The following VAC14 variants were observed in gnomAD, a reference collection of about 807,000 sequenced individuals.
VAC14 encodes the protein VAC14 component of PIKFYVE complex, also known as protein VAC14 homolog.
A neutral mutation model predicts 85.3 loss-of-function variants in VAC14; 47 were observed. That is an observed-to-expected ratio of 0.55 (90% CI 0.44 to 0.70). The LOEUF (loss-of-function observed/expected upper bound fraction) is 0.70. VAC14 is among the 30% of genes least tolerant of loss of function. The pLI, the probability that VAC14 is intolerant of heterozygous loss-of-function variation, is 0.00. For missense variants in VAC14, 861 were observed against 1,004.3 expected, an observed-to-expected ratio of 0.86 and a Z score of 1.93; for synonymous variants, 447 against 430.5, an observed-to-expected ratio of 1.04 and a Z score of -0.47.
chr16:70,748,444 A>G (rs1453475778), intron 12 of VAC14, among the ~76,000 whole-genome samples: 1 of 152,216 alleles, frequency 6.6e-6, no homozygotes, highest in African/African-American at 2.4e-5. Context: ...GAAGTAGTTG[A>G]GCATGAGTTG....
In VAC14 at chr16:70,762,124, T is replaced by C. The variant is rs2032442977; in HGVS notation, c.1371+416A>G. 6.8e-6 allele frequency among the ~76,000 whole-genome samples: 1 copy of C among 146,970 alleles called. No homozygotes were observed. Among genetic ancestry groups the C allele is most frequent in the Admixed American group, 6.7e-5 (1 of 14,930 alleles). The stretch of plus-strand genomic sequence containing the variant: ...AGTTTTTTTTTTTGTTTTTGTTTTT[T>C]TGAGACAGGGTCTCACTCTGTCGCC... On this transcript the variant is annotated intron_variant, in intron 12 of 18. Coordinates refer to ENST00000261776, the MANE Select transcript of VAC14 (RefSeq NM_018052.5). This position sits in a 1 kb window ranked among gnomAD's most constrained non-coding sequence, Gnocchi z 4.1.
At chr16:70,745,482 A>AGAGT (rs1555520581) in intron 12 of VAC14, among the ~76,000 whole-genome samples, 1 of 143,778 alleles carries the variant, frequency 7.0e-6, no homozygotes, top group Non-Finnish European at 1.5e-5. Flanking sequence ...GAGGGGCTTC[A>AGAGT]GTGTGTGTGT....
intron 13 of VAC14, among the ~76,000 whole-genome samples, chr16:70,740,477 A>T (rs2030165424): frequency 6.6e-6 from 1 of 152,196 alleles, no homozygotes; most frequent in East Asian, 1.9e-4. Flanking sequence ...GAGGAAAGGC[A>T]TGTCTCTGAC....
At chr16:70,795,678 G>A (rs970777991) in intron 1 of VAC14, among the ~76,000 whole-genome samples, 1 of 152,200 alleles carries the variant, frequency 6.6e-6, no homozygotes, top group Non-Finnish European at 1.5e-5. Context: ...GCGTGATTCA[G>A]GAGCTCTGCT....
At chr16:70,718,516 G>A (rs1443047157) in intron 14 of VAC14, among the ~76,000 whole-genome samples, 2 of 151,668 alleles carry the variant, frequency 1.3e-5, no homozygotes, top group Non-Finnish European at 2.9e-5. Flanking sequence ...AGAGCTTGCA[G>A]TGAGACAAGA....
intron 13 of VAC14, among the ~76,000 whole-genome samples, chr16:70,736,940 C>T (rs1444730576): frequency 1.3e-5 from 2 of 152,130 alleles, no homozygotes; most frequent in Non-Finnish European, 2.9e-5. Flanking sequence ...GGCCTCAGTG[C>T]TCAGCAGGAC....
chr16:70,769,533 T>C (rs62048009), intron 10 of VAC14: 6,075 of 152,346 alleles, frequency 0.04, 170 homozygotes, highest in Admixed American at 0.069. Flanking sequence ...ACTGTGCAGC[T>C]GCCACGTGGG....
intron 12 of VAC14, among the ~76,000 whole-genome samples, chr16:70,759,794 C>T (rs1263100879): frequency 6.6e-6 from 1 of 152,162 alleles, no homozygotes; most frequent in Non-Finnish European, 1.5e-5. Flanking sequence ...AGCTCGCCTC[C>T]TGCTGCTGAC....
chr16:70,786,685 C>T (rs369743155), intron 1 of VAC14, among the ~76,000 whole-genome samples: 4 of 152,330 alleles, frequency 2.6e-5, no homozygotes, highest in African/African-American at 7.2e-5. Flanking sequence ...TGTCTTTATT[C>T]AACACTTACT....
At position 70,687,616 on chromosome 16, in the gene VAC14, G is replaced by A. The variant is rs1354698738; in HGVS notation, c.*312C>T. The A allele has an allele frequency of 7.5e-6, 2 of 267,776 alleles. No homozygotes were observed. The highest frequency in any genetic ancestry group is 7.0e-6 in the Non-Finnish European group (1 of 142,596). The allele number at this position is 267,776 out of a possible 1,614,324, so 16.6% of individuals were successfully genotyped here. On this transcript the variant is annotated 3_prime_UTR_variant, in exon 19 of 19. Coordinates refer to ENST00000261776, the MANE Select transcript of VAC14 (RefSeq NM_018052.5). ...CTCTAGTGTGCTGGAGGAGGGGCAA[G>A]CTCTTTTTCCAAGAGGGTATTAGAA... is the stretch of plus-strand genomic sequence containing the variant.
intron 14 of VAC14, among the ~76,000 whole-genome samples, chr16:70,724,013 C>T (rs1006321879): frequency 7.2e-5 from 11 of 152,092 alleles, no homozygotes; most frequent in Non-Finnish European, 1.6e-4. Context: ...TTGCCAAGTT[C>T]ACCTGTGACC....
Position 70,695,539 on chromosome 16 carries a change from C to T in VAC14, c.2035+5G>A. The T allele has an allele frequency of 1.2e-6, 2 of 1,613,842 alleles. No homozygotes were observed. The highest frequency in any genetic ancestry group is 8.5e-7 in the Non-Finnish European group (1 of 1,179,862). ...GCGCGAGGTGTGGTGGGAGGTGGTT[C>T]TTACATGTGAAGATGGGGCACTCAA... is the stretch of plus-strand genomic sequence containing the variant. On this transcript the variant is annotated splice_donor_5th_base_variant and intron_variant, in intron 17 of 18. Coordinates refer to ENST00000261776, the MANE Select transcript of VAC14 (RefSeq NM_018052.5).
rs111435709 is a variant in VAC14, at chr16:70,750,138, C to G, written c.1372-5559G>C. 7.7e-4 allele frequency among the ~76,000 whole-genome samples: 117 copies of G among 152,248 alleles called. 1 individual carries two copies. The highest frequency in any genetic ancestry group is 2.7e-3 in the African/African-American group (113 of 41,546). On this transcript the variant is annotated intron_variant, in intron 12 of 18. Coordinates refer to ENST00000261776, the MANE Select transcript of VAC14 (RefSeq NM_018052.5). ...CCTCTCAAGGCCTGGAGGAAAGGCC[C>G]GAGAGCTAAAGACACGCTTCTAGGC... is the stretch of plus-strand genomic sequence containing the variant.
At chr16:70,755,561 C>T (rs1269154367) in intron 12 of VAC14, among the ~76,000 whole-genome samples, 2 of 152,200 alleles carry the variant, frequency 1.3e-5, no homozygotes, top group Non-Finnish European at 2.9e-5. Flanking sequence ...CTCGGGGTAA[C>T]TAAGATCACT....
chr16:70,721,615 C>T (rs2142998943), intron 14 of VAC14, among the ~76,000 whole-genome samples: 1 of 152,206 alleles, frequency 6.6e-6, no homozygotes, highest in African/African-American at 2.4e-5. Context: ...CCCTGGCTGC[C>T]AGGTCTGAGG....
intron 18 of VAC14, chr16:70,690,811 C>T: frequency 1.0e-6 from 1 of 985,558 alleles, no homozygotes; most frequent in Non-Finnish European, 1.2e-6. Flanking sequence ...CCCTGGCATG[C>T]CCACTGCTTC....
At chr16:70,741,970 A>C (rs2030361216) in intron 13 of VAC14, among the ~76,000 whole-genome samples, 1 of 152,112 alleles carries the variant, frequency 6.6e-6, no homozygotes, top group Non-Finnish European at 1.5e-5. Context: ...CCCATGGCAC[A>C]CGTCCTACTC....
intron 9 of VAC14, among the ~76,000 whole-genome samples, chr16:70,780,397 G>A (rs1305036204): frequency 1.3e-5 from 2 of 152,100 alleles, no homozygotes; most frequent in Admixed American, 6.6e-5. Flanking sequence ...AGTGCCCCCT[G>A]AATCCTGGTA....
intron 15 of VAC14, 77 bp downstream of exon 15, chr16:70,698,560 C>A: frequency 1.3e-6 from 2 of 1,564,424 alleles, no homozygotes; most frequent in South Asian, 2.3e-5. Flanking sequence ...TGGGGCCAGC[C>A]GAGGGGCGGG....
Sources: gnomAD v4.1 joint callset for allele counts (sites outside exome capture counted in the v4.1 genomes callset) on GRCh38, gnomAD v4.1.1 for gene constraint, Gnocchi (gnomAD v3.1) non-coding constraint, MANE v1.5 for transcripts, NCBI Gene and HGNC (gene_info 2026-07-23, HGNC 2026-07-21) for gene names.